TSEN2: variants seen among roughly 807,000 people sequenced by gnomAD.
TSEN2 encodes the protein tRNA-splicing endonuclease subunit Sen2.
Under a neutral mutation model 59.2 loss-of-function variants are expected in TSEN2, and 54 were observed. The ratio of observed to expected loss-of-function variants is 0.91; its 90% CI spans 0.73 to 1.14. The LOEUF (loss-of-function observed/expected upper bound fraction) is 1.14, where lower values mean the gene tolerates loss of function less well. Among genes scored for constraint, TSEN2 ranks in the 50% most tolerant of loss-of-function variants. The probability of loss-of-function intolerance (pLI) is 0.00; values close to 1 mark genes in which losing one functional copy is unlikely to be tolerated. For synonymous variants in TSEN2, 195 were observed against 198.2 expected (o/e 0.98, Z 0.14); for missense variants, 636 against 576.2 (o/e 1.10, Z -1.06).
chr3:12,530,868 AGTTTATT>A, intron 10 of TSEN2: 1 of 604,228 alleles, frequency 1.7e-6, no homozygotes, highest in Non-Finnish European at 2.1e-6. Context: ...ACAATGTTGA[AGTTTATT>A]TGAAGACCTG....
At chr3:12,530,462 G>A in intron 10 of TSEN2, 1 of 985,478 alleles carries the variant, frequency 1.0e-6, no homozygotes, top group Non-Finnish European at 1.2e-6. Context: ...CCTTCGTGTT[G>A]CCATCAGAGA....
At chr3:12,532,234 C>G (rs541213724) in intron 11 of TSEN2, among the ~76,000 whole-genome samples, 1 of 152,150 alleles carries the variant, frequency 6.6e-6, no homozygotes, top group Non-Finnish European at 1.5e-5. Flanking sequence ...CTCCAGGGCC[C>G]CAGCACGTCT....
At chr3:12,501,431 C>T (rs138292418) in intron 4 of TSEN2, among the ~76,000 whole-genome samples, 152 of 152,198 alleles carry the variant, frequency 1.0e-3, no homozygotes, top group African/African-American at 3.6e-3. Flanking sequence ...GATACAATTC[C>T]CAGTATATAG....
At chr3:12,515,288 C>CAG (rs2055945367) in intron 6 of TSEN2, among the ~76,000 whole-genome samples, 1 of 152,180 alleles carries the variant, frequency 6.6e-6, no homozygotes, top group African/African-American at 2.4e-5. Context: ...AGGAAAGAAG[C>CAG]TGAGTGAGCA....
chr3:12,496,671 A>G lies in TSEN2; in HGVS notation c.308+117A>G, dbSNP rs1575262800. The G allele has an allele frequency of 4.0e-6, 4 of 1,000,480 alleles. No individual in the cohort carries two copies. The East Asian group carries it at 9.6e-5, about 24-fold the overall frequency. The allele number at this position is 1,000,480 out of a possible 1,614,324, so 62.0% of individuals were successfully genotyped here. On this transcript the variant is annotated intron_variant, in intron 4 of 11. Coordinates refer to ENST00000284995, the MANE Select transcript of TSEN2 (RefSeq NM_025265.4). ...ACCTTTTTTTCTTTCTGTTTTTGGT[A>G]GTAGATGTATCCTTGAAAATTATGT...
chr3:12,530,490 A>C, intron 10 of TSEN2: 1 of 985,494 alleles, frequency 1.0e-6, no homozygotes, highest in Non-Finnish European at 1.2e-6. Flanking sequence ...GACTCAGCTT[A>C]CACAAGGACT....
At position 12,533,566 on chromosome 3, in the gene TSEN2, A is replaced by T. The variant is rs2057588885; in HGVS notation, c.*845A>T. On this transcript the variant is annotated 3_prime_UTR_variant, in exon 12 of 12. Coordinates refer to ENST00000284995, the MANE Select transcript of TSEN2 (RefSeq NM_025265.4). ...TTCCAGCTGCTCAGGAGACTAAGGTAGGAGGATCGCTTGAGCCCAGGAGGA... is the reference window on the plus strand; with the variant it reads ...TTCCAGCTGCTCAGGAGACTAAGGTTGGAGGATCGCTTGAGCCCAGGAGGA... 6.8e-6 allele frequency: 1 copy of T among 147,658 alleles called. No homozygotes were observed. The highest frequency in any genetic ancestry group is 1.5e-5 in the Non-Finnish European group (1 of 67,184). The allele number at this position is 147,658 out of a possible 1,614,324, so 9.1% of individuals were successfully genotyped here.
intron 7 of TSEN2, among the ~76,000 whole-genome samples, chr3:12,518,257 G>A (rs2056322425): frequency 6.6e-6 from 1 of 152,308 alleles, no homozygotes; most frequent in South Asian, 2.1e-4. Flanking sequence ...AACACTAAAT[G>A]GAGGTTTGTT....
intron 1 of TSEN2, 50 bp downstream of exon 1, chr3:12,484,930 C>T (rs1173755038): frequency 6.6e-6 from 1 of 152,184 alleles, no homozygotes; most frequent in Admixed American, 6.5e-5. Context: ...TGTTGGGGTG[C>T]GCAGTTTATT....
At chr3:12,537,737 C>T (rs911955529), downstream of TSEN2, among the ~76,000 whole-genome samples, 1 of 152,142 alleles carries the variant, frequency 6.6e-6, no homozygotes, top group Non-Finnish European at 1.5e-5. Flanking sequence ...TGACTTTGGA[C>T]ATTTCCTCAA....
chr3:12,512,617 C>G (rs1165571909), intron 6 of TSEN2, among the ~76,000 whole-genome samples: 2 of 152,214 alleles, frequency 1.3e-5, no homozygotes, highest in East Asian at 3.8e-4. Flanking sequence ...GTGACTAGAT[C>G]ACATTAGTAG....
intron 4 of TSEN2, among the ~76,000 whole-genome samples, chr3:12,499,568 G>A (rs1445207121): frequency 1.3e-5 from 2 of 152,184 alleles, no homozygotes; most frequent in South Asian, 2.1e-4. Context: ...AGAAACCTTC[G>A]AGGGTAGGTA....
chr3:12,528,842 A>G (rs769872566), intron 8 of TSEN2, 46 bp from the exon 9 acceptor site: 5 of 1,607,924 alleles, frequency 3.1e-6, no homozygotes, highest in Non-Finnish European at 4.3e-6. Context: ...CTCCTCTCTC[A>G]TTATTTTGAG....
rs757189567 is a variant in TSEN2 at position 12,531,562 on chromosome 3, C to T, written c.1249-8C>T. 1.3e-6 allele frequency: 2 copies of T among 1,596,442 alleles called. No homozygotes were observed. Among genetic ancestry groups the T allele is most frequent in the South Asian group, 2.2e-5 (2 of 90,676 alleles). ...AGGATACAGAAGTGGTTTTTCATTT[C>T]TCAATAGGAACTTATGCTGTGCTAT... On this transcript the variant is annotated splice_region_variant and splice_polypyrimidine_tract_variant and intron_variant, in intron 10 of 11. Coordinates refer to ENST00000284995, the MANE Select transcript of TSEN2 (RefSeq NM_025265.4).
intron 7 of TSEN2, among the ~76,000 whole-genome samples, chr3:12,517,268 G>A (rs991694682): frequency 6.7e-6 from 1 of 150,374 alleles, no homozygotes; most frequent in African/African-American, 2.5e-5. Flanking sequence ...TGAGGCAGGA[G>A]AATGGCATGA....
chr3:12,503,305 CA>C lies in TSEN2; in HGVS notation c.353del (p.Gln118ArgfsTer24). On this transcript the variant is annotated frameshift_variant, in exon 5 of 12. Coordinates refer to ENST00000284995, the MANE Select transcript of TSEN2 (RefSeq NM_025265.4). LOFTEE classifies it high-confidence loss of function. ...VEWAAELMRR[Q>X]GQDESTVRRI... is the part of the protein sequence containing the mutation. ...GTGGGCAGCAGAGCTGATGCGTAGA[CA>C]GGGGCAGGATGAGAGTACAGTGCGC... is the stretch of plus-strand genomic sequence containing the variant. 5 of 1,614,170 alleles carry C rather than the reference CA, an allele frequency of 3.1e-6. No individual in the cohort carries two copies. Among genetic ancestry groups the C allele is most frequent in the African/African-American group, 1.3e-5 (1 of 75,042 alleles).
chr3:12,529,561 T>C (rs1339485388), intron 9 of TSEN2, among the ~76,000 whole-genome samples: 1 of 152,210 alleles, frequency 6.6e-6, no homozygotes, highest in Non-Finnish European at 1.5e-5. Flanking sequence ...TTTTTTCCTG[T>C]AAGTTTTGGA....
Position 12,539,077 on chromosome 3 carries a change from A to G in TSEN2, c.1261-84A>G, listed in dbSNP as rs562516790. The G allele has an allele frequency of 1.7e-3, 712 of 414,728 alleles. 7 individuals carry two copies. The highest frequency in any genetic ancestry group is 9.0e-3 in the South Asian group (515 of 57,476). 25.7% of individuals were successfully genotyped at this position (414,728 alleles called of 1,614,324 possible). A position where few individuals can be genotyped will look rare whatever the true frequency, so the allele number is the denominator to read the frequency against. Reference sequence around the variant, plus strand: ...TGACCATTTCCTGATTTAGATTCTGAGGGGGTTTTTGGTTTTTTTTACTGT... The same window carrying G: ...TGACCATTTCCTGATTTAGATTCTGGGGGGGTTTTTGGTTTTTTTTACTGT... On this transcript the variant is annotated intron_variant, in intron 10 of 10. Transcript: ENST00000412698.
downstream of TSEN2, among the ~76,000 whole-genome samples, chr3:12,533,936 C>T (rs141440699): frequency 3.5e-4 from 54 of 152,170 alleles, no homozygotes; most frequent in African/African-American, 1.3e-3. Flanking sequence ...TGTATTTATC[C>T]CTGCAGCAGC....
Sources: allele counts gnomAD v4.1 joint callset (sites outside exome capture counted in the v4.1 genomes callset), GRCh38; gene constraint gnomAD v4.1.1; transcripts MANE v1.5; gene names NCBI Gene and HGNC (gene_info 2026-07-23, HGNC 2026-07-21).